ACADSB: variants seen among roughly 807,000 people sequenced by gnomAD.
ACADSB encodes the protein acyl-CoA dehydrogenase short/branched chain.
ACADSB carries 40 observed loss-of-function variants against 54.1 expected under a neutral mutation model. That is an observed-to-expected ratio of 0.74 (90% CI 0.57 to 0.96). The LOEUF (loss-of-function observed/expected upper bound fraction) is 0.96. Among genes scored for constraint, ACADSB ranks in the 40% least tolerant of loss-of-function variants. The probability of loss-of-function intolerance (pLI) is 0.00; values close to 1 mark genes in which losing one functional copy is unlikely to be tolerated. For synonymous variants in ACADSB, 182 were observed against 182.8 expected, an observed-to-expected ratio of 1.00 and a Z score of 0.03; for missense variants, 530 against 510.4, an observed-to-expected ratio of 1.04 and a Z score of -0.37.
intron 1 of ACADSB, among the ~76,000 whole-genome samples, chr10:123,009,535 C>T (rs1849975604): frequency 6.6e-6 from 1 of 152,222 alleles, no homozygotes; most frequent in South Asian, 2.1e-4. Flanking sequence ...AGGTGTCTCC[C>T]TGTCCTTCCT....
At chr10:123,040,832 T>C (rs550319651) in intron 4 of ACADSB, among the ~76,000 whole-genome samples, 160 bp downstream of exon 4, 2 of 152,380 alleles carry the variant, frequency 1.3e-5, no homozygotes, top group African/African-American at 4.8e-5. Flanking sequence ...GCTGGAAAAG[T>C]ACACTCTACC....
At chr10:123,041,431 T>G (rs1564751783) in intron 5 of ACADSB, 52 bp downstream of exon 5, 1 of 1,573,378 alleles carries the variant, frequency 6.4e-7, no homozygotes, top group Admixed American at 1.7e-5. Context: ...TCTTTTCTCT[T>G]TCTTTATCTT....
At chr10:123,049,819 A>G (rs894760630) in intron 8 of ACADSB, among the ~76,000 whole-genome samples, 11 of 152,260 alleles carry the variant, frequency 7.2e-5, no homozygotes, top group Non-Finnish European at 1.3e-4. Flanking sequence ...TTTAGGAGAA[A>G]ACAGAGAATA....
At chr10:123,037,571 A>T (rs530608013) in intron 2 of ACADSB, among the ~76,000 whole-genome samples, 176 bp from the exon 3 acceptor site, 1 of 152,336 alleles carries the variant, frequency 6.6e-6, no homozygotes, top group Non-Finnish European at 1.5e-5. Context: ...TTACAAAGGG[A>T]TATGGGAAAC....
intron 5 of ACADSB, 52 bp downstream of exon 5, chr10:123,041,431 TTCTTTATC>T (rs1564751787): frequency 6.4e-7 from 1 of 1,573,378 alleles, no homozygotes; most frequent in Non-Finnish European, 8.7e-7. Flanking sequence ...TCTTTTCTCT[TTCTTTATC>T]TTTTCCTCCT....
intron 2 of ACADSB, among the ~76,000 whole-genome samples, chr10:123,036,321 A>G (rs1051361637): frequency 2.6e-5 from 4 of 152,188 alleles, no homozygotes; most frequent in Middle Eastern, 3.2e-3. Context: ...TCCTGACCTC[A>G]GGTGATCCAC....
intron 1 of ACADSB, among the ~76,000 whole-genome samples, chr10:123,025,348 C>T (rs1012709701): frequency 1.2e-4 from 18 of 151,978 alleles, no homozygotes; most frequent in African/African-American, 7.3e-5. Flanking sequence ...CGTATAGTCC[C>T]AGCTACTTGG....
chr10:123,023,560 G>A (rs548952782), intron 1 of ACADSB, among the ~76,000 whole-genome samples: 1 of 152,130 alleles, frequency 6.6e-6, no homozygotes, highest in African/African-American at 2.4e-5. Context: ...AGGCTCACCA[G>A]TTTTACTTTG....
At chr10:123,039,754 A>G (rs1393626796) in intron 3 of ACADSB, among the ~76,000 whole-genome samples, 5 of 152,204 alleles carry the variant, frequency 3.3e-5, no homozygotes, top group African/African-American at 4.8e-5. Context: ...TGAAATCAGC[A>G]TAAGGTGGGT....
chr10:123,040,925 C>T (rs529498359), intron 4 of ACADSB, among the ~76,000 whole-genome samples: 24 of 152,148 alleles, frequency 1.6e-4, no homozygotes, highest in African/African-American at 4.1e-4. Flanking sequence ...TTTTCTAATA[C>T]GTTTGTTGAT....
chr10:123,029,835 G>A (rs148943597), intron 1 of ACADSB, among the ~76,000 whole-genome samples: 24 of 152,256 alleles, frequency 1.6e-4, no homozygotes, highest in African/African-American at 5.3e-4. Context: ...TTCACTTTGC[G>A]CTGCTGTAAC....
intron 2 of ACADSB, among the ~76,000 whole-genome samples, chr10:123,035,834 C>T (rs1850391255): frequency 6.6e-6 from 1 of 152,186 alleles, no homozygotes; most frequent in African/African-American, 2.4e-5. Flanking sequence ...ACTCTCCCTC[C>T]CAGCATCGAG....
At chr10:123,018,859 G>GCC (rs1269020127) in intron 1 of ACADSB, among the ~76,000 whole-genome samples, 1 of 151,972 alleles carries the variant, frequency 6.6e-6, no homozygotes, top group East Asian at 1.9e-4. Flanking sequence ...GGAACAACCC[G>GCC]CCCCCATGAT....
intron 8 of ACADSB, 151 bp from the exon 9 acceptor site, chr10:123,050,898 C>A: frequency 1.4e-6 from 1 of 715,544 alleles, no homozygotes; most frequent in Non-Finnish European, 2.2e-6. Context: ...TTTTAGATTA[C>A]TCATTTTAAA....
At position 123,045,327 on chromosome 10, in the gene ACADSB, C is replaced by T. The variant is rs375641999; in HGVS notation, c.900+842C>T. Reference sequence around the variant, plus strand: ...CCGAGTAGCTGGGACTACAGGCGCCCGCCACCACGCCCAGCCAATTTTTTT... The same window carrying T: ...CCGAGTAGCTGGGACTACAGGCGCCTGCCACCACGCCCAGCCAATTTTTTT... On this transcript the variant is annotated intron_variant, in intron 7 of 10. Transcript: ENST00000358776. Among the ~76,000 whole-genome samples the T allele has an allele frequency of 5.0e-4, 55 of 110,482 alleles. No individual in the cohort carries two copies. In the East Asian group the frequency reaches 7.9e-3, roughly 16 times the overall value. 72.5% of individuals were successfully genotyped at this position (110,482 alleles called of 152,430 possible). A position where few individuals can be genotyped will look rare whatever the true frequency, so the allele number is the denominator to read the frequency against.
chr10:123,018,551 G>A (rs977731672), intron 1 of ACADSB, among the ~76,000 whole-genome samples: 1 of 152,174 alleles, frequency 6.6e-6, no homozygotes, highest in Non-Finnish European at 1.5e-5. Flanking sequence ...AGGTTGGACA[G>A]ATTCTGGTAT....
chr10:123,047,812 A>C (rs1356442517), intron 8 of ACADSB, among the ~76,000 whole-genome samples: 1 of 152,210 alleles, frequency 6.6e-6, no homozygotes, highest in Non-Finnish European at 1.5e-5. Context: ...TCAGACCAGA[A>C]CCATGTGGTA....
chr10:123,053,930 C>T lies in ACADSB; in HGVS notation c.*165C>T. 1 of 679,410 alleles carries T rather than the reference C, an allele frequency of 1.5e-6. No homozygotes were observed. Among genetic ancestry groups the T allele is most frequent in the East Asian group, 2.7e-5 (1 of 36,880 alleles). 42.1% of individuals were successfully genotyped at this position (679,410 alleles called of 1,614,324 possible). ...CTGGTGTTGGCCTTTTTGGTTTTCT[C>T]TTTTCAGGCTGTTTAACTTAGGCAC... On this transcript the variant is annotated 3_prime_UTR_variant, in exon 11 of 11. Transcript: ENST00000358776.
intron 1 of ACADSB, among the ~76,000 whole-genome samples, chr10:123,024,776 G>A (rs1850228577): frequency 6.6e-6 from 1 of 152,238 alleles, no homozygotes; most frequent in African/African-American, 2.4e-5. Context: ...GCAGCTCAAG[G>A]GCCCAGTTAC....
Sources: allele counts gnomAD v4.1 joint callset (sites outside exome capture counted in the v4.1 genomes callset), GRCh38; gene constraint gnomAD v4.1.1; transcripts MANE v1.5; gene names NCBI Gene and HGNC (gene_info 2026-07-23, HGNC 2026-07-21).